MUC4: variants seen among roughly 807,000 people sequenced by gnomAD.
The protein encoded by MUC4 is mucin 4, cell surface associated.
MUC4 carries 202 observed loss-of-function variants against 257.9 expected under a neutral mutation model. The observed-to-expected ratio is 0.78, with a 90% confidence interval of 0.70 to 0.88. The LOEUF (loss-of-function observed/expected upper bound fraction) is 0.88. Ranked by LOEUF, MUC4 falls within the 40% of genes least tolerant of loss-of-function variation. The probability of loss-of-function intolerance (pLI) is 0.00; values close to 1 mark genes in which losing one functional copy is unlikely to be tolerated. For synonymous variants in MUC4, 2,351 were observed against 2,757.1 expected, an observed-to-expected ratio of 0.85 and a Z score of 4.62; for missense variants, 5,976 against 6,513.7, an observed-to-expected ratio of 0.92 and a Z score of 2.84.
In MUC4 at chr3:195,759,183, C is replaced by A; in HGVS notation, c.14927G>T (p.Ser4976Ile). The change falls in exon 17 of 25, where the codon AGC (serine) becomes ATC (isoleucine). Residue 4976 changes from serine (S) to isoleucine (I), a missense_variant. Physicochemically the swap from Ser to Ile is moderately radical, Grantham distance 142. Around this residue, in one of 44 missense-constraint regions of MUC4, gnomAD observed 996 missense variants for 1,137.3 expected, o/e 0.88. Coordinates refer to ENST00000463781, the MANE Select transcript of MUC4 (RefSeq NM_018406.7). The part of the protein sequence containing the change: ...KGQTTLIQYT[S>I]NAEDANFTLR... ...CGTGAAGTTGGCATCCTCAGCATTG[C>A]TGGTGTACTGAATCAGCGTGGTCTG... is the stretch of plus-strand genomic sequence containing the variant. The A allele has an allele frequency of 6.2e-7, 1 of 1,614,092 alleles. No homozygotes were observed. Among genetic ancestry groups the A allele is most frequent in the Non-Finnish European group, 8.5e-7 (1 of 1,180,006 alleles).
intron 1 of MUC4, among the ~76,000 whole-genome samples, chr3:195,797,819 C>T (rs1306637802): frequency 6.6e-6 from 1 of 152,028 alleles, no homozygotes; most frequent in Admixed American, 6.6e-5. Flanking sequence ...AAAATAATTG[C>T]ATTCCAGCTG....
chr3:195,776,204 C>G (rs1363405772), intron 3 of MUC4, among the ~76,000 whole-genome samples: 3 of 36,610 alleles, frequency 8.2e-5, no homozygotes, highest in Non-Finnish European at 1.1e-4. Flanking sequence ...ACCTTCCACA[C>G]CCATACCTTC....
rs773692420 is a variant in MUC4 at position 195,784,069 on chromosome 3, G to A, written c.7511C>T (p.Ser2504Leu). ...AGGGGTGGTGTGACCTGTAGATGCT[G>A]AGGAAGGGCTGGTGACAGGAAGACG... ...TTRLPVTSPS[S>L]ASTGHTTPLP... The change falls in exon 2 of 25, where the codon TCA (serine) becomes TTA (leucine). Residue 2504 changes from serine to leucine, a missense_variant. By Grantham distance (145) the Ser-to-Leu change is moderately radical (BLOSUM62 -2). Coordinates refer to ENST00000463781, the MANE Select transcript of MUC4 (RefSeq NM_018406.7). 11 of 1,530,570 alleles carry A rather than the reference G, an allele frequency of 7.2e-6. No homozygotes were observed. Among genetic ancestry groups the A allele is most frequent in the Admixed American group, 4.0e-5 (2 of 50,360 alleles). The allele number at this position is 1,530,570 out of a possible 1,614,324, so 94.8% of individuals were successfully genotyped here.
intron 7 of MUC4, among the ~76,000 whole-genome samples, chr3:195,767,618 C>T (rs1310767301): frequency 5.5e-5 from 6 of 108,326 alleles, no homozygotes; most frequent in African/African-American, 8.4e-5. Flanking sequence ...ATTGCCACCA[C>T]CATCACCACC....
chr3:195,754,814 CCATGTGTGTAT>C (rs1717223353), intron 18 of MUC4, among the ~76,000 whole-genome samples: 2 of 17,230 alleles, frequency 1.2e-4, no homozygotes, highest in Non-Finnish European at 7.3e-4. Context: ...ATGTATGTAT[CCATGTGTGTAT>C]CCATGTGTGT....
chr3:195,767,907 T>TCACCACCACCACCAC (rs1447659178), intron 7 of MUC4, among the ~76,000 whole-genome samples: 2 of 63,252 alleles, frequency 3.2e-5, no homozygotes, highest in African/African-American at 1.4e-4. Flanking sequence ...ATCACCACCA[T>TCACCACCACCACCAC]CACCATCGCC....
Position 195,788,654 on chromosome 3 carries a change from G to T in MUC4, c.2926C>A (p.Pro976Thr). Residue 976 changes from proline to threonine, a missense_variant, in exon 2 of 25, where the codon CCT becomes ACT. Pro to Thr is a conservative substitution (Grantham distance 38, BLOSUM62 -1). Around this residue, in one of 44 missense-constraint regions of MUC4, gnomAD observed 1,583 missense variants for 1,257.4 expected, o/e 1.26. Coordinates refer to ENST00000463781, the MANE Select transcript of MUC4 (RefSeq NM_018406.7). ...GAGGAAGCGTAGGTGACAGGAAGAG[G>T]GGTGGCGTTGCTGATGAGGGCCGTG... ...FTTALISNATPLPVTYASSAS... is the reference protein window; with the variant it reads ...FTTALISNATTLPVTYASSAS... 3.1e-6 allele frequency: 5 copies of T among 1,610,888 alleles called. No individual in the cohort carries two copies. Among genetic ancestry groups the T allele is most frequent in the Non-Finnish European group, 1.7e-6 (2 of 1,178,514 alleles).
rs1733718058 is a variant in MUC4, at chr3:195,790,451, T to C, written c.1129A>G (p.Thr377Ala). 2 of 1,613,936 alleles carry C rather than the reference T, an allele frequency of 1.2e-6. No homozygotes were observed. Among genetic ancestry groups the C allele is most frequent in the South Asian group, 1.1e-5 (1 of 91,084 alleles). ...QETFPSGETTTSSPSSVSNTF... is the reference protein window; with the variant it reads ...QETFPSGETTASSPSSVSNTF... ...TTGCTGACACTGGAAGGGGATGAGG[T>C]GGTTGTTTCACCAGAAGGGAATGTC... is the stretch of plus-strand genomic sequence containing the variant. The change falls in exon 2 of 25, where the codon ACC becomes GCC. Residue 377 changes from threonine to alanine, a missense_variant. Thr to Ala is a moderately conservative substitution (Grantham distance 58). This residue lies in a region of MUC4 where 1,583 missense variants were observed against 1,257.4 expected (regional missense o/e 1.26). Coordinates refer to ENST00000463781, the MANE Select transcript of MUC4 (RefSeq NM_018406.7).
chr3:195,798,026 G>C (rs1734776739), intron 1 of MUC4, among the ~76,000 whole-genome samples: 1 of 152,092 alleles, frequency 6.6e-6, no homozygotes, highest in Admixed American at 6.6e-5. Flanking sequence ...GTTGAGGGGG[G>C]AGGATCACTT....
chr3:195,789,083 T>C lies in MUC4; in HGVS notation c.2497A>G (p.Asn833Asp). 1.2e-6 allele frequency: 2 copies of C among 1,613,240 alleles called. No homozygotes were observed. Among genetic ancestry groups the C allele is most frequent in the Non-Finnish European group, 1.7e-6 (2 of 1,179,610 alleles). ...GTTGTGTGACTGTCCCTGGAGGGGTTTGATGAAAACCTTGTCGTCTCTCCT... is the reference window on the plus strand; with the variant it reads ...GTTGTGTGACTGTCCCTGGAGGGGTCTGATGAAAACCTTGTCGTCTCTCCT... ...TSGETTRFSS[N>D]PSRDSHTTQS... Residue 833 changes from asparagine to aspartate, a missense_variant, in exon 2 of 25, where the codon AAC (asparagine) becomes GAC (aspartate). By Grantham distance (23) the Asn-to-Asp change is conservative. This residue lies in a region of MUC4 where 1,583 missense variants were observed against 1,257.4 expected (regional missense o/e 1.26). Transcript: ENST00000463781.
intron 14 of MUC4, 113 bp from the exon 15 acceptor site, chr3:195,761,698 C>T (rs764967564): frequency 1.3e-6 from 1 of 794,492 alleles, no homozygotes. Flanking sequence ...TCTGCTCTTG[C>T]ACCTGCTGTC....
At chr3:195,751,313 A>C in intron 21 of MUC4, 42 bp from the exon 22 acceptor site, 1 of 1,488,034 alleles carries the variant, frequency 6.7e-7, no homozygotes, top group Non-Finnish European at 9.3e-7. Context: ...GTGAGGCCCC[A>C]TCCGGGGGGG....
At position 195,762,113 on chromosome 3, in the gene MUC4, T is replaced by C; in HGVS notation, c.14486A>G (p.Tyr4829Cys). 6.2e-7 allele frequency: 1 copy of C among 1,604,838 alleles called. No individual in the cohort carries two copies. The highest frequency in any genetic ancestry group is 8.5e-7 in the Non-Finnish European group (1 of 1,177,752). The change falls in exon 14 of 25, where the codon TAC (tyrosine) becomes TGC (cysteine). Residue 4829 changes from tyrosine (Y) to cysteine (C), a missense_variant. Coordinates refer to ENST00000463781, the MANE Select transcript of MUC4 (RefSeq NM_018406.7). ...LHASASLPPE[Y>C]QNRTEGLLGV... ...CAGGAGCCCCTCCGTGCGGTTCTGG[T>C]ACTCGGGCGGGAGGCTGGCGGAGGC...
intron 20 of MUC4, 53 bp downstream of exon 20, chr3:195,752,998 G>C (rs565345583): frequency 6.1e-5 from 91 of 1,491,982 alleles, no homozygotes; most frequent in Non-Finnish European, 8.0e-5. Flanking sequence ...GGGGGTGAGA[G>C]GGTGGGGCCC....
At position 195,759,211 on chromosome 3, in the gene MUC4, C is replaced by A. The variant is rs1330310478; in HGVS notation, c.14899G>T (p.Gly4967Trp). 6.2e-7 allele frequency: 1 copy of A among 1,613,940 alleles called. No homozygotes were observed. Among genetic ancestry groups the A allele is most frequent in the East Asian group, 2.2e-5 (1 of 44,882 alleles). ...NGGRVIEAYKGQTTLIQYTSN... is the reference protein window; with the variant it reads ...NGGRVIEAYKWQTTLIQYTSN... ...GTGTACTGAATCAGCGTGGTCTGCC[C>A]CTTGTAGGCTTCAATCACACGACCA... Residue 4967 changes from glycine (G) to tryptophan (W), a missense_variant, in exon 17 of 25, where the codon GGG becomes TGG. Transcript: ENST00000463781.
At chr3:195,769,869 T>C (rs1210167863) in intron 6 of MUC4, among the ~76,000 whole-genome samples, 1 of 152,174 alleles carries the variant, frequency 6.6e-6, no homozygotes, top group Non-Finnish European at 1.5e-5. Context: ...ACCATTGTCT[T>C]CCTCATCTGT....
chr3:195,790,217 G>A lies in MUC4; in HGVS notation c.1363C>T (p.Gln455Ter). ...PKISTAFHTQ[Q>*]SEGAETTGRP... The stretch of plus-strand genomic sequence containing the variant: ...CCTGTGGTCTCTGCACCTTCACTCT[G>A]CTGGGTGTGGAAAGCTGTGGATATT... Residue 455 changes from glutamine (Q) to a stop codon, truncating the protein, a stop_gained, in exon 2 of 25, where the codon CAG becomes TAG. Transcript: ENST00000463781. LOFTEE classifies it high-confidence loss of function. 2 of 1,614,028 alleles carry A rather than the reference G, an allele frequency of 1.2e-6. No individual in the cohort carries two copies. Among genetic ancestry groups the A allele is most frequent in the Non-Finnish European group, 1.7e-6 (2 of 1,179,890 alleles).
intron 24 of MUC4, 22 bp from the exon 25 acceptor site, chr3:195,747,402 C>T (rs753489164): frequency 6.2e-7 from 1 of 1,611,362 alleles, no homozygotes; most frequent in Non-Finnish European, 8.5e-7. Context: ...GAGAGACAGA[C>T]AGGCGGTCAG....
At chr3:195,767,656 A>ATCATCACCATTG (rs1721340574) in intron 7 of MUC4, among the ~76,000 whole-genome samples, 2 of 85,078 alleles carry the variant, frequency 2.4e-5, no homozygotes, top group Non-Finnish European at 4.1e-5. Flanking sequence ...CACCACCACC[A>ATCATCACCATTG]CCACCACCAT....
Sources: gnomAD v4.1 joint callset for allele counts (sites outside exome capture counted in the v4.1 genomes callset) on GRCh38, gnomAD v4.1.1 for gene constraint, gnomAD v4.1.1 regional missense constraint, MANE v1.5 for transcripts, NCBI Gene and HGNC (gene_info 2026-07-23, HGNC 2026-07-21) for gene names.